Variants in KCNQ3 observed in about 807,000 individuals in gnomAD.
The protein encoded by KCNQ3 is potassium voltage-gated channel subfamily Q member 3.
KCNQ3 carries 30 observed loss-of-function variants against 92.5 expected under a neutral mutation model. The observed-to-expected ratio is 0.32, with a 90% CI of 0.24 to 0.44. The LOEUF is 0.44. Ranked by LOEUF, KCNQ3 falls within the 20% of genes least tolerant of loss-of-function variation. The probability of loss-of-function intolerance (pLI) is 1.00; values close to 1 mark genes in which losing one functional copy is unlikely to be tolerated. For missense variants in KCNQ3, 913 were observed against 1,140.3 expected (o/e 0.80, Z 2.87); for synonymous variants, 450 against 468.8 (o/e 0.96, Z 0.52).
At chr8:132,467,165 A>G (rs1337761869) in intron 1 of KCNQ3, among the ~76,000 whole-genome samples, 3 of 152,216 alleles carry the variant, frequency 2.0e-5, no homozygotes, top group Non-Finnish European at 4.4e-5. Flanking sequence ...TAGAGAGTAA[A>G]TCAGCAGAAG....
In KCNQ3 at chr8:132,386,702, C is replaced by A. The variant is rs887855748; in HGVS notation, c.386+93445G>T. 5.5e-4 allele frequency among the ~76,000 whole-genome samples: 84 copies of A among 152,094 alleles called. 1 individual carries two copies. Among genetic ancestry groups the A allele is most frequent in the African/African-American group, 1.8e-3 (73 of 41,420 alleles). The stretch of plus-strand genomic sequence containing the variant: ...AACAGATATCAAACTGGATCAATTG[C>A]CAACTGGTCATCTATTAAGGTGATC... On this transcript the variant is annotated intron_variant, in intron 1 of 14. Transcript: ENST00000388996.
chr8:132,315,058 G>A (rs1425732371), intron 1 of KCNQ3, among the ~76,000 whole-genome samples: 1 of 152,166 alleles, frequency 6.6e-6, no homozygotes, highest in African/African-American at 2.4e-5. Context: ...AGAACCAACC[G>A]CTGAATAATT....
At chr8:132,224,607 C>T (rs924578546) in intron 1 of KCNQ3, among the ~76,000 whole-genome samples, 3 of 152,150 alleles carry the variant, frequency 2.0e-5, no homozygotes, top group African/African-American at 7.2e-5. Context: ...TCACATTTTG[C>T]AGTACTCTCT....
chr8:132,464,227 A>G (rs2130860712), intron 1 of KCNQ3, among the ~76,000 whole-genome samples: 1 of 152,348 alleles, frequency 6.6e-6, no homozygotes, highest in South Asian at 2.1e-4. Flanking sequence ...CCATGTGCAC[A>G]GACATGTTCA....
intron 1 of KCNQ3, among the ~76,000 whole-genome samples, chr8:132,202,087 C>G (rs1226556869): frequency 6.6e-6 from 1 of 152,096 alleles, no homozygotes; most frequent in African/African-American, 2.4e-5. Context: ...AACTTGTTGA[C>G]CCAATTGGGT....
At chr8:132,366,073 C>T (rs1239127955) in intron 1 of KCNQ3, among the ~76,000 whole-genome samples, 1 of 152,138 alleles carries the variant, frequency 6.6e-6, no homozygotes, top group Non-Finnish European at 1.5e-5. Context: ...TAGAGAAATA[C>T]AGACAGAATT....
At chr8:132,173,397 A>G (rs140760198) in intron 6 of KCNQ3, among the ~76,000 whole-genome samples, 8 of 152,316 alleles carry the variant, frequency 5.3e-5, no homozygotes, top group African/African-American at 9.6e-5. Flanking sequence ...AACATCACCA[A>G]TGAAAGAATG....
At chr8:132,367,860 A>T (rs932000650) in intron 1 of KCNQ3, among the ~76,000 whole-genome samples, 3 of 152,232 alleles carry the variant, frequency 2.0e-5, no homozygotes, top group Admixed American at 1.3e-4. Flanking sequence ...GACATATTTG[A>T]GAATCAGAAC....
intron 1 of KCNQ3, among the ~76,000 whole-genome samples, chr8:132,390,056 T>C (rs1164389343): frequency 2.0e-5 from 3 of 152,192 alleles, no homozygotes; most frequent in Admixed American, 6.5e-5. Context: ...AGTATGGTTA[T>C]ACAATGGAAT....
chr8:132,469,478 T>C (rs1443314023), intron 1 of KCNQ3, among the ~76,000 whole-genome samples: 1 of 152,190 alleles, frequency 6.6e-6, no homozygotes, highest in Non-Finnish European at 1.5e-5. Flanking sequence ...TTAATGCTGC[T>C]CTACTGAAAG....
At chr8:132,265,795 T>C (rs1815962125) in intron 1 of KCNQ3, among the ~76,000 whole-genome samples, 1 of 152,212 alleles carries the variant, frequency 6.6e-6, no homozygotes, top group Non-Finnish European at 1.5e-5. Flanking sequence ...CATCCCTTTT[T>C]TCCTCCCTAG....
At chr8:132,333,546 A>G (rs1428020275) in intron 1 of KCNQ3, among the ~76,000 whole-genome samples, 3 of 152,148 alleles carry the variant, frequency 2.0e-5, no homozygotes, top group African/African-American at 7.2e-5. Flanking sequence ...AAATTGATGT[A>G]TTACTTAAAG....
At chr8:132,430,878 G>A (rs1405670079) in intron 1 of KCNQ3, among the ~76,000 whole-genome samples, 1 of 152,236 alleles carries the variant, frequency 6.6e-6, no homozygotes, top group Non-Finnish European at 1.5e-5. Context: ...TCCTTGGGAC[G>A]TCAGTAAAAG....
At chr8:132,419,530 T>C (rs1377607891) in intron 1 of KCNQ3, among the ~76,000 whole-genome samples, 2 of 152,170 alleles carry the variant, frequency 1.3e-5, no homozygotes, top group African/African-American at 2.4e-5. Context: ...TTAAAATGCT[T>C]TCCAAGAAAA....
At chr8:132,403,236 T>C (rs1586989704) in intron 1 of KCNQ3, among the ~76,000 whole-genome samples, 1 of 19,650 alleles carries the variant, frequency 5.1e-5, no homozygotes, top group East Asian at 1.6e-3. Context: ...AACGCCCAAA[T>C]GAGGACTTGT....
chr8:132,186,014 A>C, intron 2 of KCNQ3, 77 bp downstream of exon 2: 12 of 1,006,630 alleles, frequency 1.2e-5, no homozygotes, highest in Non-Finnish European at 1.7e-5. Flanking sequence ...GTCAGGGAGG[A>C]GTGCACCCAA....
intron 1 of KCNQ3, among the ~76,000 whole-genome samples, chr8:132,431,904 C>T (rs546016953): frequency 8.1e-4 from 124 of 152,246 alleles, no homozygotes; most frequent in African/African-American, 1.0e-3. Flanking sequence ...TGACTGGGTC[C>T]GGGGGCCTGG....
chr8:132,343,290 A>C (rs567836239), intron 1 of KCNQ3, among the ~76,000 whole-genome samples: 1 of 152,340 alleles, frequency 6.6e-6, no homozygotes, highest in South Asian at 2.1e-4. Context: ...TGCCAGGCAC[A>C]TGGAAGACAC....
intron 1 of KCNQ3, among the ~76,000 whole-genome samples, chr8:132,423,594 CA>C (rs1189706745): frequency 1.3e-5 from 2 of 152,236 alleles, no homozygotes; most frequent in South Asian, 2.1e-4. Context: ...TTCTATCTCA[CA>C]GGGCTGTTGT....
Sources: allele counts gnomAD v4.1 joint callset (sites outside exome capture counted in the v4.1 genomes callset), GRCh38; gene constraint gnomAD v4.1.1; transcripts MANE v1.5; gene names NCBI Gene and HGNC (gene_info 2026-07-23, HGNC 2026-07-21).